NEDD4L: variants seen among roughly 807,000 people sequenced by gnomAD.
The protein encoded by NEDD4L is NEDD4 like E3 ubiquitin protein ligase, also known as E3 ubiquitin-protein ligase NEDD4-like.
Under a neutral mutation model 148.9 loss-of-function variants are expected in NEDD4L, and 54 were observed. That is an observed-to-expected ratio of 0.36 (90% CI 0.29 to 0.45). The LOEUF is 0.45. NEDD4L is among the 20% of genes least tolerant of loss of function. The probability of loss-of-function intolerance (pLI) is 1.00; values close to 1 mark genes in which losing one functional copy is unlikely to be tolerated. For synonymous variants in NEDD4L, 433 were observed against 440.7 expected (o/e 0.98, Z 0.22); for missense variants, 856 against 1,233.8 (o/e 0.69, Z 4.59).
chr18:58,329,114 G>A lies in NEDD4L; in HGVS notation c.800G>A (p.Gly267Glu). ...TTGGAGCCCGAGCCCTCGGAGGGCG[G>A]GGATGTCCCCGAGGTACGATGTCCC... ...EDLEPEPSEG[G>E]DVPEPWETIS... The change falls in exon 10 of 31, where the codon GGG (glycine) becomes GAG (glutamate). Residue 267 changes from glycine to glutamate, a missense_variant. Transcript: ENST00000400345. 6.2e-7 allele frequency: 1 copy of A among 1,613,918 alleles called. No homozygotes were observed. The highest frequency in any genetic ancestry group is 1.1e-5 in the South Asian group (1 of 91,034).
At chr18:58,383,074 A>G (rs2048554389) in intron 24 of NEDD4L, among the ~76,000 whole-genome samples, 172 bp from the exon 25 acceptor site, 2 of 152,246 alleles carry the variant, frequency 1.3e-5, no homozygotes, top group South Asian at 2.1e-4. Flanking sequence ...TTAACTGTGT[A>G]ACATCCTAGC....
At chr18:58,103,587 A>T (rs1387136556) in intron 1 of NEDD4L, among the ~76,000 whole-genome samples, 6 of 152,166 alleles carry the variant, frequency 3.9e-5, no homozygotes, top group Non-Finnish European at 2.9e-5. Flanking sequence ...CAGACAGCAG[A>T]GTGTGTAGTT....
intron 2 of NEDD4L, among the ~76,000 whole-genome samples, chr18:58,183,892 A>C (rs981006697): frequency 6.6e-6 from 1 of 152,226 alleles, no homozygotes; most frequent in Admixed American, 6.5e-5. Flanking sequence ...TTCTAAGGCC[A>C]GGCATGGTGG....
chr18:58,220,356 G>C (rs1014558382), intron 2 of NEDD4L, among the ~76,000 whole-genome samples: 1 of 151,976 alleles, frequency 6.6e-6, no homozygotes, highest in Non-Finnish European at 1.5e-5. Context: ...TAGTGAGATC[G>C]TGCCACTGCA....
rs1323740518 is a variant in NEDD4L, at chr18:58,223,769, G to A, written c.123-21658G>A. 1.3e-5 allele frequency among the ~76,000 whole-genome samples: 2 copies of A among 152,196 alleles called. 1 individual carries two copies. The highest frequency in any genetic ancestry group is 4.1e-4 in the South Asian group (2 of 4,826). On this transcript the variant is annotated intron_variant, in intron 2 of 30. Coordinates refer to ENST00000400345, the MANE Select transcript of NEDD4L (RefSeq NM_001144967.3). ...CTGCCACTCGCTCACCTTGAATCAC[G>A]GAGGTTTCAGAGGCCGTTGGCCTTC...
intron 1 of NEDD4L, among the ~76,000 whole-genome samples, chr18:58,147,290 G>C (rs2034193285): frequency 6.6e-6 from 1 of 152,158 alleles, no homozygotes; most frequent in South Asian, 2.1e-4. Context: ...TGTGGGGGCT[G>C]TCCTGTGCCC....
At chr18:58,394,934 C>T (rs544911429) in intron 30 of NEDD4L, among the ~76,000 whole-genome samples, 5 of 152,308 alleles carry the variant, frequency 3.3e-5, no homozygotes, top group East Asian at 1.9e-4. Context: ...TTTGAGCACT[C>T]GCGGCAGAGG....
At chr18:58,046,149 A>G (rs960947880) in intron 1 of NEDD4L, 47 of 152,184 alleles carry the variant, frequency 3.1e-4, no homozygotes, top group African/African-American at 1.1e-3. Flanking sequence ...ATAATGTGTG[A>G]TTTGTGTGTT....
chr18:58,358,489 A>G (rs1188752767), intron 19 of NEDD4L, among the ~76,000 whole-genome samples: 1 of 152,196 alleles, frequency 6.6e-6, no homozygotes, highest in Non-Finnish European at 1.5e-5. Flanking sequence ...GACTTTTGAC[A>G]TAACTTTGAA....
chr18:58,330,673 A>T lies in NEDD4L; in HGVS notation c.814-65A>T, dbSNP rs187841836. 5.9e-5 allele frequency: 77 copies of T among 1,304,838 alleles called. No individual in the cohort carries two copies. In the East Asian group the frequency reaches 2.0e-3, roughly 34 times the overall value. 80.8% of individuals were successfully genotyped at this position (1,304,838 alleles called of 1,614,324 possible). ...GGGGCTATTGTTGTTACATGGTTTC[A>T]TTGGGGAGCTGGGTGGATCCCTACT... On this transcript the variant is annotated intron_variant, in intron 10 of 30. Transcript: ENST00000400345.
chr18:58,298,676 C>A (rs2056034752), intron 5 of NEDD4L, among the ~76,000 whole-genome samples: 1 of 152,132 alleles, frequency 6.6e-6, no homozygotes, highest in Non-Finnish European at 1.5e-5. Flanking sequence ...TTTAGTGCAG[C>A]ACTTCTAAGT....
intron 1 of NEDD4L, among the ~76,000 whole-genome samples, chr18:58,119,354 G>T (rs758205293): frequency 3.9e-5 from 6 of 152,254 alleles, no homozygotes; most frequent in Admixed American, 6.5e-5. Context: ...TGTTGAAAAA[G>T]GTACCCAGGC....
intron 2 of NEDD4L, among the ~76,000 whole-genome samples, chr18:58,194,806 G>C (rs375548003): frequency 6.6e-6 from 1 of 152,188 alleles, no homozygotes; most frequent in Admixed American, 6.5e-5. Context: ...GGTTGATTTC[G>C]GATAATACTT....
At chr18:58,108,333 T>A (rs1191547782) in intron 1 of NEDD4L, among the ~76,000 whole-genome samples, 1 of 152,222 alleles carries the variant, frequency 6.6e-6, no homozygotes, top group Non-Finnish European at 1.5e-5. Flanking sequence ...ATTGTTTTAA[T>A]CTATGTTTGT....
At chr18:58,224,723 T>C (rs1382318407) in intron 2 of NEDD4L, among the ~76,000 whole-genome samples, 1 of 152,252 alleles carries the variant, frequency 6.6e-6, no homozygotes, top group African/African-American at 2.4e-5. Context: ...ATTCTTTTAG[T>C]CAGTTACCAA....
At chr18:58,217,702 G>A (rs1383246793) in intron 2 of NEDD4L, among the ~76,000 whole-genome samples, 1 of 152,058 alleles carries the variant, frequency 6.6e-6, no homozygotes, top group Non-Finnish European at 1.5e-5. Flanking sequence ...TATTGGAAAA[G>A]ATAAAACATA....
intron 2 of NEDD4L, among the ~76,000 whole-genome samples, chr18:58,226,418 C>A (rs549648764): frequency 7.9e-5 from 12 of 152,296 alleles, no homozygotes; most frequent in African/African-American, 2.9e-4. Flanking sequence ...TCCCCTGACC[C>A]CCAAGTCAAA....
At position 58,255,378 on chromosome 18, in the gene NEDD4L, G is replaced by A. The variant is rs576150200; in HGVS notation, c.297+3324G>A. The stretch of plus-strand genomic sequence containing the variant: ...CTAAGTCCAGAAGCTGGCATTGGAG[G>A]GGGAGAGCGCGGTCATGTGGTTCTG... On this transcript the variant is annotated intron_variant, in intron 5 of 30. Coordinates refer to ENST00000400345, the MANE Select transcript of NEDD4L (RefSeq NM_001144967.3). 6 of 503,102 alleles carry A rather than the reference G, an allele frequency of 1.2e-5. No homozygotes were observed. The African/African-American group carries it at 1.2e-4, about 10-fold the overall frequency. 31.2% of individuals were successfully genotyped at this position (503,102 alleles called of 1,614,324 possible).
At chr18:58,350,465 G>A (rs139676285) in intron 17 of NEDD4L, among the ~76,000 whole-genome samples, 2 of 152,222 alleles carry the variant, frequency 1.3e-5, no homozygotes, top group East Asian at 1.9e-4. Context: ...TAGCAAATAT[G>A]GATAGTTCAG....
Sources: gnomAD v4.1 joint callset for allele counts (sites outside exome capture counted in the v4.1 genomes callset) on GRCh38, gnomAD v4.1.1 for gene constraint, MANE v1.5 for transcripts, NCBI Gene and HGNC (gene_info 2026-07-23, HGNC 2026-07-21) for gene names.